FARS2: variants seen among roughly 807,000 people sequenced by gnomAD.
FARS2 encodes phenylalanine--tRNA ligase, mitochondrial.
A neutral mutation model predicts 46.4 loss-of-function variants in FARS2; 40 were observed. The observed-to-expected ratio is 0.86, with a 90% CI of 0.67 to 1.12. FARS2 has a LOEUF of 1.12. Ranked by LOEUF, FARS2 falls within the 50% of genes most tolerant of loss-of-function variation. The pLI is 0.00. For synonymous variants in FARS2, 234 were observed against 214.9 expected (o/e 1.09, Z -0.78); for missense variants, 513 against 567.9 (o/e 0.90, Z 0.98).
chr6:5,597,407 C>G (rs1008945360), intron 5 of FARS2, among the ~76,000 whole-genome samples: 29 of 152,278 alleles, frequency 1.9e-4, no homozygotes, highest in East Asian at 5.8e-4. Context: ...ATTCCCTTTC[C>G]CCTCTGGCCT....
chr6:5,617,612 T>C (rs993242315), intron 6 of FARS2, among the ~76,000 whole-genome samples: 1 of 152,276 alleles, frequency 6.6e-6, no homozygotes, highest in Non-Finnish European at 1.5e-5. Flanking sequence ...TGTTTAGTGG[T>C]ATTTCCAGAA....
intron 4 of FARS2, among the ~76,000 whole-genome samples, chr6:5,460,175 C>A: frequency 6.6e-6 from 1 of 152,166 alleles, no homozygotes; most frequent in African/African-American, 2.4e-5. Flanking sequence ...GCTTAGTTTT[C>A]TGTATGCTTT....
intron 4 of FARS2, among the ~76,000 whole-genome samples, chr6:5,514,178 C>G (rs766775641): frequency 4.6e-5 from 7 of 151,900 alleles, no homozygotes; most frequent in Non-Finnish European, 8.8e-5. Context: ...ATTACAGATT[C>G]ACAAATATGC....
At chr6:5,262,713 T>A (rs533003550) in intron 1 of FARS2, among the ~76,000 whole-genome samples, 8 of 152,258 alleles carry the variant, frequency 5.3e-5, no homozygotes, top group Non-Finnish European at 1.2e-4. Context: ...TAAAAGGCAC[T>A]GAAGAGAAAA....
At chr6:5,566,250 C>T (rs182507480) in intron 5 of FARS2, among the ~76,000 whole-genome samples, 149 of 152,250 alleles carry the variant, frequency 9.8e-4, no homozygotes, top group African/African-American at 3.5e-3. Context: ...GGGATGTTTC[C>T]TTATCTTCCA....
In FARS2 at chr6:5,755,709, C is replaced by A. The variant is rs983793366; in HGVS notation, c.1218-15582C>A. On this transcript the variant is annotated intron_variant, in intron 6 of 6. Coordinates refer to ENST00000274680, the MANE Select transcript of FARS2 (RefSeq NM_006567.5). ...TCTTCATGTGTTCTGTAATTTGGGGCCTTGAGGTTATGTTCATTGGAGCAT... is the reference window on the plus strand; with the variant it reads ...TCTTCATGTGTTCTGTAATTTGGGGACTTGAGGTTATGTTCATTGGAGCAT... Among the ~76,000 whole-genome samples, 6 of 152,068 alleles carry A rather than the reference C, an allele frequency of 3.9e-5. No homozygotes were observed. The East Asian group carries it at 1.2e-3, about 29-fold the overall frequency.
chr6:5,496,685 G>A (rs1038379283), intron 4 of FARS2, among the ~76,000 whole-genome samples: 3 of 151,974 alleles, frequency 2.0e-5, no homozygotes, highest in Non-Finnish European at 2.9e-5. Flanking sequence ...TCTTCTTCTT[G>A]TAAGGACATC....
rs1760314582 is a variant in FARS2 at position 5,727,077 on chromosome 6, A to G, written c.1218-44214A>G. On this transcript the variant is annotated intron_variant, in intron 6 of 6. Transcript: ENST00000274680. The surrounding 1 kb of genome is among the most constrained non-coding windows in gnomAD (Gnocchi z 4.1). ...CACTTCCACCGTCTGTAAAGGAGCA[A>G]TGCCTCTGCAGTACCTACCTTCCTC... Among the ~76,000 whole-genome samples the G allele has an allele frequency of 1.3e-5, 2 of 152,198 alleles. No homozygotes were observed. The highest frequency in any genetic ancestry group is 4.8e-5 in the African/African-American group (2 of 41,444).
At chr6:5,344,536 G>A (rs1757105073) in intron 1 of FARS2, among the ~76,000 whole-genome samples, 1 of 152,198 alleles carries the variant, frequency 6.6e-6, no homozygotes, top group African/African-American at 2.4e-5. Context: ...GAGGCAGTGT[G>A]TTATGGAAGC....
At chr6:5,698,047 A>G (rs1758208073) in intron 6 of FARS2, among the ~76,000 whole-genome samples, 1 of 152,224 alleles carries the variant, frequency 6.6e-6, no homozygotes, top group Non-Finnish European at 1.5e-5. Context: ...TCGCTGTGAT[A>G]TGGGAGGACA....
At chr6:5,576,875 C>T (rs1049045539) in intron 5 of FARS2, among the ~76,000 whole-genome samples, 2 of 151,754 alleles carry the variant, frequency 1.3e-5, no homozygotes, top group African/African-American at 4.8e-5. Context: ...CCAGATTTGG[C>T]CACTGGGAGC....
At chr6:5,600,563 T>C (rs557215864) in intron 5 of FARS2, among the ~76,000 whole-genome samples, 2 of 145,512 alleles carry the variant, frequency 1.4e-5, no homozygotes, top group Admixed American at 1.4e-4. Context: ...ACAAAATGAA[T>C]AGATGGAATT....
At chr6:5,596,440 T>C (rs968766866) in intron 5 of FARS2, among the ~76,000 whole-genome samples, 2 of 152,208 alleles carry the variant, frequency 1.3e-5, no homozygotes, top group Non-Finnish European at 2.9e-5. Flanking sequence ...TACCAGCATA[T>C]GTGATAGTTT....
At chr6:5,422,522 T>C (rs1437729659) in intron 3 of FARS2, among the ~76,000 whole-genome samples, 1 of 152,172 alleles carries the variant, frequency 6.6e-6, no homozygotes, top group African/African-American at 2.4e-5. Context: ...GAGGGCAGCA[T>C]GGGGCTGTGC....
At chr6:5,667,328 G>A (rs746402971) in intron 6 of FARS2, among the ~76,000 whole-genome samples, 11 of 151,982 alleles carry the variant, frequency 7.2e-5, no homozygotes, top group South Asian at 2.1e-4. Context: ...GACCAGCCTG[G>A]CCAATATGGA....
At chr6:5,445,444 T>G (rs1764129617) in intron 4 of FARS2, among the ~76,000 whole-genome samples, 2 of 152,228 alleles carry the variant, frequency 1.3e-5, no homozygotes, top group Non-Finnish European at 2.9e-5. Flanking sequence ...TTCCTGTATT[T>G]TAGGCTGGAA....
rs1178402560 is a variant in FARS2, at chr6:5,771,166, G to A, written c.1218-125G>A. The A allele has an allele frequency of 1.9e-5, 19 of 994,930 alleles. No individual in the cohort carries two copies. The East Asian group carries it at 4.1e-4, about 21-fold the overall frequency. 61.6% of individuals were successfully genotyped at this position (994,930 alleles called of 1,614,324 possible). On this transcript the variant is annotated intron_variant, in intron 6 of 6. Transcript: ENST00000274680. ...AGATGCAGATTGTTAGCGGTAAATG[G>A]TACCTGGATTCCAACCTCAGTTCTC...
intron 6 of FARS2, among the ~76,000 whole-genome samples, chr6:5,649,784 C>G (rs896277059): frequency 6.6e-6 from 1 of 152,162 alleles, no homozygotes; most frequent in East Asian, 1.9e-4. Flanking sequence ...TACTCTTATC[C>G]GCTAGGCTGT....
At chr6:5,393,942 T>C (rs1562008355) in intron 2 of FARS2, among the ~76,000 whole-genome samples, 1 of 152,238 alleles carries the variant, frequency 6.6e-6, no homozygotes, top group Non-Finnish European at 1.5e-5. Flanking sequence ...GTGTTGGCTT[T>C]GGTTTTTATT....
Sources: allele counts gnomAD v4.1 joint callset (sites outside exome capture counted in the v4.1 genomes callset), GRCh38; gene constraint gnomAD v4.1.1; non-coding constraint Gnocchi (gnomAD v3.1); transcripts MANE v1.5; gene names NCBI Gene and HGNC (gene_info 2026-07-23, HGNC 2026-07-21).